PTH2R: variants seen among roughly 807,000 people sequenced by gnomAD.
PTH2R encodes the protein PTH2 receptor.
A neutral mutation model predicts 60.3 loss-of-function variants in PTH2R; 59 were observed. The ratio of observed to expected loss-of-function variants is 0.98; its 90% CI spans 0.79 to 1.22. The LOEUF is 1.22. PTH2R is among the 50% of genes most tolerant of loss of function. The probability of loss-of-function intolerance (pLI) is 0.00; values close to 1 mark genes in which losing one functional copy is unlikely to be tolerated. For synonymous variants in PTH2R, 256 were observed against 243.8 expected (o/e 1.05, Z -0.47); for missense variants, 749 against 682.6 (o/e 1.10, Z -1.08).
At chr2:208,379,860 GA>G (rs199776824) in intron 1 of PTH2R, among the ~76,000 whole-genome samples, 307 of 137,038 alleles carry the variant, frequency 2.2e-3, no homozygotes, top group East Asian at 3.4e-3. Flanking sequence ...ACTCTGTCTT[GA>G]AAAAAAAAAA....
At chr2:208,443,154 A>G (rs1702220575) in intron 5 of PTH2R, among the ~76,000 whole-genome samples, 194 bp from the exon 6 acceptor site, 1 of 152,240 alleles carries the variant, frequency 6.6e-6, no homozygotes, top group Non-Finnish European at 1.5e-5. Flanking sequence ...GATGATGTAC[A>G]TAGGTTATGT....
intron 1 of PTH2R, among the ~76,000 whole-genome samples, chr2:208,411,990 T>A (rs1416268273): frequency 3.9e-5 from 6 of 152,256 alleles, no homozygotes; most frequent in Admixed American, 3.9e-4. Context: ...AGATTATTTC[T>A]AAGCATTAGT....
At chr2:208,414,047 T>C (rs1285754696) in intron 1 of PTH2R, among the ~76,000 whole-genome samples, 1 of 152,202 alleles carries the variant, frequency 6.6e-6, no homozygotes, top group Non-Finnish European at 1.5e-5. Context: ...GAAAGGAATA[T>C]GCTTACTAGG....
intron 9 of PTH2R, among the ~76,000 whole-genome samples, chr2:208,477,666 A>G (rs1043763258): frequency 2.6e-5 from 4 of 152,046 alleles, no homozygotes; most frequent in African/African-American, 2.4e-5. Context: ...TTATTTTAAA[A>G]CCATATTTAC....
chr2:208,472,408 C>T (rs1053298191), intron 9 of PTH2R, among the ~76,000 whole-genome samples: 7 of 152,192 alleles, frequency 4.6e-5, no homozygotes, highest in Admixed American at 6.5e-5. Context: ...TTCCTCACCT[C>T]CAAATCTCAT....
chr2:208,489,706 C>G (rs915925792), intron 11 of PTH2R, among the ~76,000 whole-genome samples: 1 of 152,166 alleles, frequency 6.6e-6, no homozygotes, highest in African/African-American at 2.4e-5. Flanking sequence ...CAGAAATACT[C>G]AAAGATTTCC....
At chr2:208,454,944 C>A (rs1702480932) in intron 8 of PTH2R, among the ~76,000 whole-genome samples, 1 of 152,152 alleles carries the variant, frequency 6.6e-6, no homozygotes, top group Non-Finnish European at 1.5e-5. Context: ...CTGTCACTCA[C>A]TGTTCCTGAA....
At chr2:208,469,318 T>C (rs1164044793) in intron 9 of PTH2R, among the ~76,000 whole-genome samples, 1 of 152,236 alleles carries the variant, frequency 6.6e-6, no homozygotes, top group Non-Finnish European at 1.5e-5. Flanking sequence ...AGAAACTATT[T>C]GCCCAGAATT....
intron 11 of PTH2R, 107 bp from the exon 12 acceptor site, chr2:208,490,532 A>G: frequency 2.1e-6 from 2 of 934,424 alleles, no homozygotes; most frequent in East Asian, 2.5e-5. Context: ...TAATTCTCTG[A>G]AGGAATCATA....
At chr2:208,470,588 C>T (rs1702860703) in intron 9 of PTH2R, among the ~76,000 whole-genome samples, 1 of 151,570 alleles carries the variant, frequency 6.6e-6, no homozygotes, top group Non-Finnish European at 1.5e-5. Flanking sequence ...AGTGCCCTTT[C>T]ATCTTCTGTC....
intron 1 of PTH2R, among the ~76,000 whole-genome samples, chr2:208,362,386 C>A (rs1024645619): frequency 3.3e-5 from 5 of 152,010 alleles, no homozygotes; most frequent in Admixed American, 3.3e-4. Flanking sequence ...ATATCAATCC[C>A]ATAGATAAAT....
intron 1 of PTH2R, among the ~76,000 whole-genome samples, chr2:208,371,974 T>A (rs1700710330): frequency 6.6e-6 from 1 of 152,000 alleles, no homozygotes; most frequent in African/African-American, 2.4e-5. Context: ...TGGGCTGGAG[T>A]GCAGTGGCGT....
At chr2:208,405,625 G>A (rs1701387359), upstream of PTH2R, among the ~76,000 whole-genome samples, 1 of 152,086 alleles carries the variant, frequency 6.6e-6, no homozygotes, top group Non-Finnish European at 1.5e-5. Context: ...TACTTATTGA[G>A]CATTTCCTTG....
chr2:208,367,229 G>T (rs1252538693), intron 1 of PTH2R, among the ~76,000 whole-genome samples: 1 of 151,916 alleles, frequency 6.6e-6, no homozygotes, highest in Non-Finnish European at 1.5e-5. Context: ...GAGTAGCTGA[G>T]ATTACAGGCA....
At chr2:208,377,064 GGTGAT>G (rs1700806670) in intron 1 of PTH2R, among the ~76,000 whole-genome samples, 2 of 151,796 alleles carry the variant, frequency 1.3e-5, no homozygotes, top group Admixed American at 6.6e-5. Context: ...ATTAGGGAGT[GGTGAT>G]GACTCTTAAC....
intron 1 of PTH2R, among the ~76,000 whole-genome samples, chr2:208,395,132 C>T (rs1303019040): frequency 1.3e-5 from 2 of 151,946 alleles, no homozygotes; most frequent in Non-Finnish European, 2.9e-5. Flanking sequence ...ACTGCAAGCT[C>T]CACCTCCCAG....
intron 9 of PTH2R, among the ~76,000 whole-genome samples, chr2:208,469,283 A>G (rs1190185823): frequency 6.6e-6 from 1 of 152,244 alleles, no homozygotes; most frequent in African/African-American, 2.4e-5. Context: ...TTTTAAGTAA[A>G]TATATGCATC....
upstream of PTH2R, among the ~76,000 whole-genome samples, chr2:208,404,703 A>G (rs1701369495): frequency 6.6e-6 from 1 of 152,170 alleles, no homozygotes; most frequent in African/African-American, 2.4e-5. Context: ...ATCAGTTTGG[A>G]GTCAAGACAA....
At chr2:208,400,587 A>G (rs1166892416) in intron 1 of PTH2R, among the ~76,000 whole-genome samples, 2 of 152,212 alleles carry the variant, frequency 1.3e-5, no homozygotes, top group African/African-American at 2.4e-5. Context: ...TTATTTTGGT[A>G]TTAGGTTTGT....
Sources: gnomAD v4.1 joint callset for allele counts (sites outside exome capture counted in the v4.1 genomes callset) on GRCh38, gnomAD v4.1.1 for gene constraint, MANE v1.5 for transcripts, NCBI Gene and HGNC (gene_info 2026-07-23, HGNC 2026-07-21) for gene names.